KEL: variants seen among roughly 807,000 people sequenced by gnomAD.
KEL encodes the protein kell blood group glycoprotein.
In KEL, 96 loss-of-function variants were observed where a neutral mutation model predicts 99.5. That is an observed-to-expected ratio of 0.97 (90% CI 0.82 to 1.14). The LOEUF (loss-of-function observed/expected upper bound fraction) is 1.14. Among genes scored for constraint, KEL ranks in the 50% most tolerant of loss-of-function variants. The pLI is 0.00. For missense variants in KEL, 926 were observed against 924.2 expected, an observed-to-expected ratio of 1.00 and a Z score of -0.03; for synonymous variants, 355 against 354.8, an observed-to-expected ratio of 1.00 and a Z score of -0.01.
chr7:142,949,993 T>C (rs1796641028), intron 10 of KEL, among the ~76,000 whole-genome samples: 1 of 152,228 alleles, frequency 6.6e-6, no homozygotes, highest in African/African-American at 2.4e-5. Flanking sequence ...TCTTTCTGTA[T>C]AAGGGCACTA....
intron 10 of KEL, among the ~76,000 whole-genome samples, chr7:142,951,409 C>G (rs1040967903): frequency 3.9e-5 from 6 of 152,144 alleles, no homozygotes; most frequent in African/African-American, 1.4e-4. Context: ...TGGCCACTCT[C>G]CAACCCAAGT....
chr7:142,958,499 G>C (rs1796883662), intron 4 of KEL, 71 bp from the exon 5 acceptor site: 1 of 1,494,764 alleles, frequency 6.7e-7, no homozygotes, highest in African/African-American at 1.4e-5. Flanking sequence ...CCTATCAAAG[G>C]GGTCTGGGGA....
chr7:142,961,036 C>A lies in KEL; in HGVS notation c.292G>T (p.Ala98Ser). The part of the protein sequence containing the change: ...HYLASGNTSV[A>S]PCTDFFSFAC... ...AAGCTGAAGAAGTCGGTGCAGGGGGCCACACTTGTGTTCCCAGAGGCCAGG... is the reference window on the plus strand; with the variant it reads ...AAGCTGAAGAAGTCGGTGCAGGGGGACACACTTGTGTTCCCAGAGGCCAGG... The change falls in exon 4 of 19, where the codon GCC becomes TCC. Residue 98 changes from alanine to serine, a missense_variant. Ala to Ser is a moderately conservative substitution (Grantham distance 99). Coordinates refer to ENST00000355265, the MANE Select transcript of KEL (RefSeq NM_000420.3). The A allele has an allele frequency of 1.2e-6, 2 of 1,614,154 alleles. No homozygotes were observed. Among genetic ancestry groups the A allele is most frequent in the Non-Finnish European group, 1.7e-6 (2 of 1,179,976 alleles).
Position 142,953,660 on chromosome 7 carries a change from C to A in KEL, c.1073+148G>T, listed in dbSNP as rs1030912883. On this transcript the variant is annotated intron_variant, in intron 9 of 18. Transcript: ENST00000355265. ...TCTCTGTGCCACCCACCCCACGCTT[C>A]TCTGCCCGCACAGGTGGCAGGTTCC... is the stretch of plus-strand genomic sequence containing the variant. 250 of 965,390 alleles carry A rather than the reference C, an allele frequency of 2.6e-4. 1 individual carries two copies. Among genetic ancestry groups the A allele is most frequent in the Admixed American group, 4.3e-4 (25 of 58,704 alleles). The allele number at this position is 965,390 out of a possible 1,614,324, so 59.8% of individuals were successfully genotyped here. A position where few individuals can be genotyped will look rare whatever the true frequency, so the allele number is the denominator to read the frequency against.
At chr7:142,958,259 C>T (rs999442882) in intron 5 of KEL, 45 bp downstream of exon 5, 1 of 1,613,670 alleles carries the variant, frequency 6.2e-7, no homozygotes, top group South Asian at 1.1e-5. Context: ...GCATTGGTCC[C>T]ATATGTTATG....
At chr7:142,960,210 C>T (rs1185725481) in intron 4 of KEL, among the ~76,000 whole-genome samples, 5 of 152,168 alleles carry the variant, frequency 3.3e-5, no homozygotes, top group Admixed American at 6.5e-5. Context: ...CTCTTATGCA[C>T]AGTGATGAAG....
intron 8 of KEL, 109 bp from the exon 9 acceptor site, chr7:142,954,065 G>T: frequency 7.1e-7 from 1 of 1,409,720 alleles, no homozygotes; most frequent in Non-Finnish European, 9.9e-7. Context: ...TGGGGGAGGG[G>T]ATGGAGTCAG....
Position 142,942,504 on chromosome 7 carries a change from T to G in KEL, c.1967A>C (p.His656Pro), listed in dbSNP as rs1796387195. The part of the protein sequence containing the change: ...LQAYSKRLLR[H>P]HGETVLPSLD... ...GCTGGGCAGGACAGTCTCCCCATGGTGCCGTAACAGCCTCTTGCTGTATGC... is the reference window on the plus strand; with the variant it reads ...GCTGGGCAGGACAGTCTCCCCATGGGGCCGTAACAGCCTCTTGCTGTATGC... Residue 656 changes from histidine to proline, a missense_variant, in exon 18 of 19, where the codon CAC becomes CCC. Transcript: ENST00000355265. The G allele has an allele frequency of 6.2e-7, 1 of 1,609,774 alleles. No homozygotes were observed. The highest frequency in any genetic ancestry group is 1.3e-5 in the African/African-American group (1 of 74,868).
Position 142,944,172 on chromosome 7 carries a change from G to A in KEL, c.1491+151C>T, listed in dbSNP as rs894046106. On this transcript the variant is annotated intron_variant, in intron 13 of 18. Transcript: ENST00000355265. ...CTTCTGCCAGCAAGACGTACAGTGT[G>A]GATATTTCCCCATCAACCCCAGCCA... 6.3e-5 allele frequency: 48 copies of A among 756,258 alleles called. No individual in the cohort carries two copies. The African/African-American group carries it at 8.0e-4, about 13-fold the overall frequency. 46.8% of individuals were successfully genotyped at this position (756,258 alleles called of 1,614,324 possible). A position where few individuals can be genotyped will look rare whatever the true frequency, so the allele number is the denominator to read the frequency against.
rs1796877502 is a variant in KEL at position 142,958,331 on chromosome 7, A to G, written c.498T>C (p.Thr166=). 2 of 1,614,194 alleles carry G rather than the reference A, an allele frequency of 1.2e-6. No homozygotes were observed. Among genetic ancestry groups the G allele is most frequent in the African/African-American group, 1.3e-5 (1 of 75,066 alleles). ...CCTCAATAACTTGTCTGAGGGGACC[A>G]GTCCCTGCAGCTTCAATGGCAAGTG... ...MDTLAIEAAG[T]GPLRQVIEEL... Residue 166 remains threonine, a synonymous_variant, in exon 5 of 19, where the codon ACT becomes ACC. Coordinates refer to ENST00000355265, the MANE Select transcript of KEL (RefSeq NM_000420.3).
chr7:142,943,069 A>G (rs202117440), intron 16 of KEL, 25 bp from the exon 17 acceptor site: 4 of 1,613,088 alleles, frequency 2.5e-6, no homozygotes, highest in Non-Finnish European at 2.5e-6. Context: ...ACAAGAGAAC[A>G]TACAGCAAGA....
rs767996309 is a variant in KEL, at chr7:142,946,229, A to G, written c.1292T>C (p.Phe431Ser). 48 of 1,613,922 alleles carry G rather than the reference A, an allele frequency of 3.0e-5. No homozygotes were observed. Among genetic ancestry groups the G allele is most frequent in the Non-Finnish European group, 3.9e-5 (46 of 1,179,872 alleles). ...TACAGCACTTCGGGTGCTCGGGCCA[A>G]AGGCCTCACGAACAAACAAAGCCGC... ...TLAALFVREAFGPSTRSAAMK... is the reference protein window; with the variant it reads ...TLAALFVREASGPSTRSAAMK... Residue 431 changes from phenylalanine (F) to serine (S), a missense_variant, in exon 11 of 19, where the codon TTT (phenylalanine) becomes TCT (serine). Transcript: ENST00000355265.
In KEL at chr7:142,941,175, TC is replaced by T; in HGVS notation, c.*76del. 6.6e-7 allele frequency: 1 copy of T among 1,512,592 alleles called. No individual in the cohort carries two copies. The highest frequency in any genetic ancestry group is 9.2e-7 in the Non-Finnish European group (1 of 1,088,352). 93.7% of individuals were successfully genotyped at this position (1,512,592 alleles called of 1,614,324 possible). ...TTTTGGAACAGAAGCAGAAAGGAAA[TC>T]TTGCTCTGATTCCATGGATGTGACC... On this transcript the variant is annotated 3_prime_UTR_variant, in exon 19 of 19. Coordinates refer to ENST00000355265, the MANE Select transcript of KEL (RefSeq NM_000420.3).
At position 142,943,310 on chromosome 7, in the gene KEL, C is replaced by T; in HGVS notation, c.1737G>A (p.Met579Ile). The T allele has an allele frequency of 1.9e-6, 3 of 1,614,106 alleles. No homozygotes were observed. The highest frequency in any genetic ancestry group is 2.5e-6 in the Non-Finnish European group (3 of 1,179,988). Residue 579 changes from methionine (M) to isoleucine (I), a missense_variant, in exon 16 of 19, where the codon ATG (methionine) becomes ATA (isoleucine). By Grantham distance (10) the Met-to-Ile change is conservative. Transcript: ENST00000355265. ...AVNFGAAGSI[M>I]AHELLHIFYQ... ...AGAAGATGTGCAACAGCTCGTGGGC[C>T]ATGATGCTGCCAGCAGCGCCAAAGT... is the stretch of plus-strand genomic sequence containing the variant.
chr7:142,942,625 C>T (rs1796391301), intron 17 of KEL, 96 bp from the exon 18 acceptor site: 1 of 979,888 alleles, frequency 1.0e-6, no homozygotes, highest in Admixed American at 2.0e-5. Context: ...GGCCCTTGCT[C>T]ACTGGTTCTG....
Position 142,943,280 on chromosome 7 carries a change from C to G in KEL, c.1767G>C (p.Gln589His). ...MAHELLHIFY[Q>H]LLLPGGCLAC... The stretch of plus-strand genomic sequence containing the variant: ...CCAGTGGCCCCTGTTACCCACAGAG[C>G]TGGTAGAAGATGTGCAACAGCTCGT... The change falls in exon 16 of 19, where the codon CAG (glutamine) becomes CAC (histidine). Residue 589 changes from glutamine to histidine, a missense_variant. By Grantham distance (24) the Gln-to-His change is conservative (BLOSUM62 0). Coordinates refer to ENST00000355265, the MANE Select transcript of KEL (RefSeq NM_000420.3). The G allele has an allele frequency of 6.2e-7, 1 of 1,613,864 alleles. No homozygotes were observed. Among genetic ancestry groups the G allele is most frequent in the Non-Finnish European group, 8.5e-7 (1 of 1,179,896 alleles).
At chr7:142,952,664 A>G in intron 9 of KEL, 26 bp from the exon 10 acceptor site, 1 of 1,613,592 alleles carries the variant, frequency 6.2e-7, no homozygotes, top group Non-Finnish European at 8.5e-7. Flanking sequence ...AGACCCACAC[A>G]TATACCCCAG....
intron 12 of KEL, 79 bp from the exon 13 acceptor site, chr7:142,944,479 C>G: frequency 4.7e-6 from 6 of 1,283,442 alleles, no homozygotes; most frequent in Non-Finnish European, 6.8e-6. Context: ...TGCCCTGTCC[C>G]AGCCTCTCAC....
Position 142,960,994 on chromosome 7 carries a change from T to G in KEL, c.334A>C (p.Lys112Gln). Residue 112 changes from lysine to glutamine, a missense_variant, in exon 4 of 19, where the codon AAA becomes CAA. Physicochemically the swap from Lys to Gln is moderately conservative, Grantham distance 53. Transcript: ENST00000355265. ...TCCTGAAAAGAATTATTGGTCTCTT[T>G]GGCCCTTCCACAGGCAAAGCTGAAG... Reference protein sequence around the residue: ...DFFSFACGRAKETNNSFQELA... With the variant: ...DFFSFACGRAQETNNSFQELA... 1 of 1,614,248 alleles carries G rather than the reference T, an allele frequency of 6.2e-7. No homozygotes were observed.
Sources: allele counts gnomAD v4.1 joint callset (sites outside exome capture counted in the v4.1 genomes callset), GRCh38; gene constraint gnomAD v4.1.1; transcripts MANE v1.5; gene names NCBI Gene and HGNC (gene_info 2026-07-23, HGNC 2026-07-21).